Variants in ADSS2 observed in about 807,000 individuals in gnomAD.
ADSS2 encodes adenylosuccinate synthetase isozyme 2.
In ADSS2, 30 loss-of-function variants were observed where a neutral mutation model predicts 60.0. The ratio of observed to expected loss-of-function variants is 0.50; its 90% CI spans 0.37 to 0.68. The LOEUF (loss-of-function observed/expected upper bound fraction) is 0.68, where lower values mean the gene tolerates loss of function less well. ADSS2 is among the 30% of genes least tolerant of loss of function. The pLI is 0.00. For missense variants in ADSS2, 373 were observed against 554.8 expected (o/e 0.67, Z 3.29); for synonymous variants, 187 against 193.1 (o/e 0.97, Z 0.26).
rs900070209 is a variant in ADSS2 at position 244,420,349 on chromosome 1, T to C, written c.664-53A>G. On this transcript the variant is annotated intron_variant, in intron 7 of 12. Transcript: ENST00000366535. ...CATGTATACTAATAAACGTTTAACA[T>C]AACCAGAACAAGAATAAATTACCTG... 22 of 1,463,144 alleles carry C rather than the reference T, an allele frequency of 1.5e-5. No individual in the cohort carries two copies. In the African/African-American group the frequency reaches 2.1e-4, roughly 14 times the overall value. 90.6% of individuals were successfully genotyped at this position (1,463,144 alleles called of 1,614,324 possible).
intron 4 of ADSS2, among the ~76,000 whole-genome samples, chr1:244,428,958 C>T (rs916426547): frequency 2.0e-5 from 3 of 152,118 alleles, no homozygotes; most frequent in African/African-American, 7.2e-5. Flanking sequence ...ATATTACCAA[C>T]CTCACACATA....
intron 12 of ADSS2, among the ~76,000 whole-genome samples, chr1:244,411,079 G>T (rs948449992): frequency 3.3e-5 from 5 of 152,110 alleles, no homozygotes; most frequent in Non-Finnish European, 7.4e-5. Context: ...AAATTAGCCA[G>T]GCGTGGTGGC....
chr1:244,444,613 T>A (rs895173403), intron 1 of ADSS2, among the ~76,000 whole-genome samples: 1 of 141,196 alleles, frequency 7.1e-6, no homozygotes, highest in African/African-American at 2.6e-5. Flanking sequence ...AGCTATGAAA[T>A]AAACTGGAAC....
At chr1:244,422,211 C>T (rs1251356923) in intron 7 of ADSS2, among the ~76,000 whole-genome samples, 1 of 152,062 alleles carries the variant, frequency 6.6e-6, no homozygotes, top group African/African-American at 2.4e-5. Context: ...TGATACTTAT[C>T]TATAGATGAG....
chr1:244,440,234 T>G (rs1665203097), intron 1 of ADSS2, among the ~76,000 whole-genome samples: 1 of 152,194 alleles, frequency 6.6e-6, no homozygotes, highest in Non-Finnish European at 1.5e-5. Context: ...CTTGCCCCAT[T>G]CTGCCCGATT....
intron 11 of ADSS2, among the ~76,000 whole-genome samples, chr1:244,412,560 C>T (rs543802767): frequency 1.5e-4 from 23 of 152,264 alleles, no homozygotes; most frequent in African/African-American, 5.5e-4. Flanking sequence ...TTTTGATGAA[C>T]GCTATTCACG....
chr1:244,450,385 G>A (rs941057695), intron 1 of ADSS2, among the ~76,000 whole-genome samples: 1 of 152,212 alleles, frequency 6.6e-6, no homozygotes, highest in African/African-American at 2.4e-5. Flanking sequence ...ATTTCAGAAT[G>A]GGCAGGGTGG....
intron 3 of ADSS2, among the ~76,000 whole-genome samples, chr1:244,434,912 T>A (rs1665046053): frequency 6.6e-6 from 1 of 152,006 alleles, no homozygotes; most frequent in Non-Finnish European, 1.5e-5. Flanking sequence ...CTCACATCTG[T>A]AATCCCAGCA....
In ADSS2 at chr1:244,411,312, A is replaced by C; in HGVS notation, c.1293T>G (p.Phe431Leu). ...LPVNAQNYVRFIEDELQIPVK... is the reference protein window; with the variant it reads ...LPVNAQNYVRLIEDELQIPVK... ...CTGGAATTTGAAGCTCATCTTCAAT[A>C]AATCGAACATAGTTTTGTGCATTAA... The change falls in exon 12 of 13, where the codon TTT becomes TTG. Residue 431 changes from phenylalanine to leucine, a missense_variant. This residue lies in a region of ADSS2 where 130 missense variants were observed against 169.4 expected (regional missense o/e 0.77). Transcript: ENST00000366535. 1.9e-6 allele frequency: 3 copies of C among 1,612,364 alleles called. No homozygotes were observed. Among genetic ancestry groups the C allele is most frequent in the Non-Finnish European group, 2.5e-6 (3 of 1,179,596 alleles).
intron 2 of ADSS2, among the ~76,000 whole-genome samples, chr1:244,437,213 T>C (rs1665124862): frequency 6.6e-6 from 1 of 152,068 alleles, no homozygotes; most frequent in African/African-American, 2.4e-5. Flanking sequence ...ACCCTATTAG[T>C]GGTCATAAAT....
chr1:244,410,413 A>G (rs993184177), intron 12 of ADSS2, among the ~76,000 whole-genome samples: 16 of 152,226 alleles, frequency 1.1e-4, no homozygotes, highest in African/African-American at 3.4e-4. Context: ...ATGACTTCAC[A>G]TAACTAGATA....
At position 244,432,652 on chromosome 1, in the gene ADSS2, CTTAA is replaced by C. The variant is rs1197341954; in HGVS notation, c.356-61_356-58del. On this transcript the variant is annotated intron_variant, in intron 3 of 12. Transcript: ENST00000366535. ...ATATTTTGTATAGCAGTTTTAAAAT[CTTAA>C]TTTCTTTTTTTTTTTTTTTTTTTTT... The C allele has an allele frequency of 2.5e-4, 155 of 624,540 alleles. No individual in the cohort carries two copies. In the African/African-American group the frequency reaches 3.3e-3, roughly 13 times the overall value. The allele number at this position is 624,540 out of a possible 1,614,324, so 38.7% of individuals were successfully genotyped here.
intron 7 of ADSS2, 140 bp from the exon 8 acceptor site, chr1:244,420,436 T>C (rs1215089766): frequency 3.0e-6 from 2 of 661,300 alleles, no homozygotes; most frequent in Admixed American, 3.1e-5. Flanking sequence ...GTGCTCACTC[T>C]ATTGTAACAT....
intron 1 of ADSS2, among the ~76,000 whole-genome samples, chr1:244,438,800 T>C (rs1665163839): frequency 6.6e-6 from 1 of 152,208 alleles, no homozygotes; most frequent in Non-Finnish European, 1.5e-5. Flanking sequence ...CATACATTTA[T>C]GTGTTGCATG....
intron 6 of ADSS2, 91 bp downstream of exon 6, chr1:244,423,862 A>T: frequency 1.1e-6 from 1 of 944,316 alleles, no homozygotes; most frequent in Non-Finnish European, 1.6e-6. Flanking sequence ...CTATTTAACT[A>T]GAATACCGAC....
At chr1:244,447,781 G>A (rs1665431877) in intron 1 of ADSS2, among the ~76,000 whole-genome samples, 1 of 152,122 alleles carries the variant, frequency 6.6e-6, no homozygotes, top group African/African-American at 2.4e-5. Context: ...CAATTAAATT[G>A]TCCAGAGAGA....
intron 4 of ADSS2, among the ~76,000 whole-genome samples, chr1:244,429,676 T>C (rs1373684860): frequency 6.6e-6 from 1 of 152,044 alleles, no homozygotes; most frequent in Non-Finnish European, 1.5e-5. Flanking sequence ...GGTCAGGAGT[T>C]CAAGACCAGC....
At chr1:244,413,632 G>GT (rs1260362018) in intron 11 of ADSS2, among the ~76,000 whole-genome samples, 1 of 152,186 alleles carries the variant, frequency 6.6e-6, no homozygotes, top group Non-Finnish European at 1.5e-5. Flanking sequence ...GACAGGAGCT[G>GT]TAGAGAGAAG....
At chr1:244,437,034 G>T in intron 2 of ADSS2, 141 bp from the exon 3 acceptor site, 1 of 642,814 alleles carries the variant, frequency 1.6e-6, no homozygotes, top group Non-Finnish European at 2.7e-6. Context: ...ATACATAATG[G>T]AACATAATAT....
Sources: allele counts gnomAD v4.1 joint callset (sites outside exome capture counted in the v4.1 genomes callset), GRCh38; gene constraint gnomAD v4.1.1; regional missense constraint gnomAD v4.1.1; transcripts MANE v1.5; gene names NCBI Gene and HGNC (gene_info 2026-07-23, HGNC 2026-07-21).